CRPPA: variants seen among roughly 807,000 people sequenced by gnomAD.
CRPPA encodes the protein CDP-L-ribitol pyrophosphorylase A, also known as D-ribitol-5-phosphate cytidylyltransferase.
A neutral mutation model predicts 52.0 loss-of-function variants in CRPPA; 43 were observed. The ratio of observed to expected loss-of-function variants is 0.83; its 90% confidence interval spans 0.65 to 1.07. The LOEUF (loss-of-function observed/expected upper bound fraction) is 1.07. CRPPA is among the 50% of genes least tolerant of loss of function. The pLI, the probability that CRPPA is intolerant of heterozygous loss-of-function variation, is 0.00. For missense variants in CRPPA, 629 were observed against 551.7 expected (o/e 1.14, Z -1.40); for synonymous variants, 250 against 203.5 (o/e 1.23, Z -1.94).
chr7:16,215,991 C>T, intron 9 of CRPPA, 75 bp downstream of exon 9: 13 of 1,158,720 alleles, frequency 1.1e-5, no homozygotes, highest in Non-Finnish European at 1.6e-5. Context: ...TATCCTCCTG[C>T]TTTTAACAAA....
intron 9 of CRPPA, among the ~76,000 whole-genome samples, chr7:16,127,045 C>G (rs1374602780): frequency 2.0e-5 from 3 of 152,114 alleles, no homozygotes; most frequent in African/African-American, 7.2e-5. Flanking sequence ...TCTCTCACAG[C>G]ACTACATTGT....
intron 9 of CRPPA, among the ~76,000 whole-genome samples, chr7:16,119,353 G>C (rs1039642220): frequency 6.6e-6 from 1 of 151,052 alleles, no homozygotes; most frequent in African/African-American, 2.4e-5. Flanking sequence ...TTCATTTTCA[G>C]TGTTTCCATT....
chr7:16,232,353 A>T (rs79554306), intron 8 of CRPPA, among the ~76,000 whole-genome samples: 2 of 152,178 alleles, frequency 1.3e-5, no homozygotes, highest in East Asian at 3.9e-4. Flanking sequence ...TGCCTTTATC[A>T]TGGGAATGGA....
rs574402065 is a variant in CRPPA at position 16,196,269 on chromosome 7, C to T, written c.1251+19797G>A. Among the ~76,000 whole-genome samples, 39 of 152,178 alleles carry T rather than the reference C, an allele frequency of 2.6e-4. No individual in the cohort carries two copies. The East Asian group carries it at 7.0e-3, about 27-fold the overall frequency. On this transcript the variant is annotated intron_variant, in intron 9 of 9. Transcript: ENST00000407010. ...GTGAAGTTAGTTGAGTTTCTGGGCC[C>T]GGGTTCCTCACTAGCATATGACAGA...
chr7:16,201,854 C>G (rs1391781695), intron 9 of CRPPA, among the ~76,000 whole-genome samples: 1 of 152,094 alleles, frequency 6.6e-6, no homozygotes, highest in Non-Finnish European at 1.5e-5. Context: ...CTTTCCCATC[C>G]TTTATTCTTT....
intron 9 of CRPPA, among the ~76,000 whole-genome samples, chr7:16,114,427 GT>G (rs1367593809): frequency 2.0e-5 from 3 of 151,902 alleles, no homozygotes; most frequent in Non-Finnish European, 2.9e-5. Context: ...TCCTTCTCCT[GT>G]TCTGCCATAA....
At chr7:16,184,346 A>G (rs1781466109) in intron 9 of CRPPA, among the ~76,000 whole-genome samples, 1 of 152,186 alleles carries the variant, frequency 6.6e-6, no homozygotes, top group African/African-American at 2.4e-5. Context: ...CAATATTCTA[A>G]TTAGCAAAGA....
rs1294165851 is a variant in CRPPA, at chr7:16,335,004, A to C, written c.685-26377T>G. On this transcript the variant is annotated intron_variant, in intron 3 of 9. Coordinates refer to ENST00000407010, the MANE Select transcript of CRPPA (RefSeq NM_001101426.4). ...AATGGAGATGTGTGAAATGACTCAA[A>C]AAGAACTCAGAATAATCCTCTTAAA... is the stretch of plus-strand genomic sequence containing the variant. Among the ~76,000 whole-genome samples, 3 of 152,010 alleles carry C rather than the reference A, an allele frequency of 2.0e-5. No individual in the cohort carries two copies. In the East Asian group the frequency reaches 5.8e-4, roughly 29 times the overall value.
At chr7:16,102,443 C>T (rs1181776351) in intron 9 of CRPPA, among the ~76,000 whole-genome samples, 2 of 152,050 alleles carry the variant, frequency 1.3e-5, no homozygotes, top group African/African-American at 4.8e-5. Flanking sequence ...CAACCAGAGC[C>T]AAAATTGACA....
At chr7:16,390,149 C>G (rs907864875) in intron 2 of CRPPA, among the ~76,000 whole-genome samples, 2 of 151,636 alleles carry the variant, frequency 1.3e-5, no homozygotes, top group Admixed American at 6.6e-5. Flanking sequence ...TACCCATTCC[C>G]TCTCAAATAC....
In CRPPA at chr7:16,258,966, AG is replaced by A. The variant is rs2128412531; in HGVS notation, c.979del (p.Leu327PhefsTer6). 6.2e-7 allele frequency: 1 copy of A among 1,611,420 alleles called. No individual in the cohort carries two copies. The highest frequency in any genetic ancestry group is 1.1e-5 in the South Asian group (1 of 90,766). On this transcript the variant is annotated frameshift_variant, in exon 7 of 10. Coordinates refer to ENST00000407010, the MANE Select transcript of CRPPA (RefSeq NM_001101426.4). LOFTEE classifies it high-confidence loss of function. ...GCATTGATCTAAGATGATTTGCTGA[AG>A]ATGTCTGCCAGCATGACCCAGAGCC... ...SEALGHAGRH[L>X]QQIILDQCYN... is the part of the protein sequence containing the mutation.
intron 9 of CRPPA, among the ~76,000 whole-genome samples, chr7:16,156,048 TTA>T (rs1201684075): frequency 6.6e-6 from 1 of 151,594 alleles, no homozygotes; most frequent in Non-Finnish European, 1.5e-5. Flanking sequence ...TACATCTTTT[TTA>T]TATATATATT....
At chr7:16,324,070 A>C (rs1785321602) in intron 3 of CRPPA, among the ~76,000 whole-genome samples, 1 of 152,218 alleles carries the variant, frequency 6.6e-6, no homozygotes, top group Non-Finnish European at 1.5e-5. Flanking sequence ...GAGATGGATC[A>C]TGACCACAAA....
chr7:16,381,061 T>C (rs1787072828), intron 2 of CRPPA, among the ~76,000 whole-genome samples: 2 of 151,626 alleles, frequency 1.3e-5, no homozygotes, highest in Non-Finnish European at 2.9e-5. Flanking sequence ...CTTGCTTTTC[T>C]AGTTCTTTTA....
intron 9 of CRPPA, among the ~76,000 whole-genome samples, chr7:16,104,024 G>T (rs1782100641): frequency 6.6e-6 from 1 of 152,126 alleles, no homozygotes; most frequent in Non-Finnish European, 1.5e-5. Flanking sequence ...TCATTTAAAG[G>T]ATATTTTTGA....
intron 9 of CRPPA, among the ~76,000 whole-genome samples, chr7:16,164,327 T>G (rs1017578178): frequency 6.6e-6 from 1 of 152,230 alleles, no homozygotes; most frequent in Non-Finnish European, 1.5e-5. Flanking sequence ...GTATGATTCA[T>G]GAAGTTCTTG....
intron 5 of CRPPA, among the ~76,000 whole-genome samples, chr7:16,295,776 T>A (rs1045580687): frequency 6.6e-6 from 1 of 152,096 alleles, no homozygotes; most frequent in Non-Finnish European, 1.5e-5. Context: ...CTTTAATCAT[T>A]TGGGTTCATC....
In CRPPA at chr7:16,211,899, C is replaced by T. The variant is rs73291456; in HGVS notation, c.1251+4167G>A. 4.0e-3 allele frequency among the ~76,000 whole-genome samples: 611 copies of T among 152,234 alleles called. 8 individuals are homozygous for T. Among genetic ancestry groups the T allele is most frequent in the African/African-American group, 0.014 (571 of 41,534 alleles). ...CAATAGAGAAGAACAATTGTACTTA[C>T]GTCATCGAGTAGAGCAATATGGTTT... On this transcript the variant is annotated intron_variant, in intron 9 of 9. Transcript: ENST00000407010.
chr7:16,222,641 T>G (rs940911846), intron 8 of CRPPA, among the ~76,000 whole-genome samples: 1 of 152,162 alleles, frequency 6.6e-6, no homozygotes, highest in East Asian at 1.9e-4. Flanking sequence ...GATTATCCAG[T>G]TAAGTAAATT....
Sources: gnomAD v4.1 joint callset for allele counts (sites outside exome capture counted in the v4.1 genomes callset) on GRCh38, gnomAD v4.1.1 for gene constraint, MANE v1.5 for transcripts, NCBI Gene and HGNC (gene_info 2026-07-23, HGNC 2026-07-21) for gene names.